Variants in NPM1 observed in about 807,000 individuals in gnomAD.
The protein encoded by NPM1 is nucleophosmin.
Under a neutral mutation model 44.1 loss-of-function variants are expected in NPM1, and 1 was observed. That is an observed-to-expected ratio of 0.02 (90% CI 0.01 to 0.11). The LOEUF (loss-of-function observed/expected upper bound fraction) is 0.11, where lower values mean the gene tolerates loss of function less well. NPM1 is among the 10% of genes least tolerant of loss of function. NPM1 has a pLI of 1.00. For synonymous variants in NPM1, 126 were observed against 111.8 expected, an observed-to-expected ratio of 1.13 and a Z score of -0.80; for missense variants, 197 against 347.8, an observed-to-expected ratio of 0.57 and a Z score of 3.45.
rs539512422 is a variant in NPM1 at position 171,405,422 on chromosome 5, A to T, written c.771+19A>T. On this transcript the variant is annotated intron_variant, in intron 9 of 10. Coordinates refer to ENST00000296930, the MANE Select transcript of NPM1 (RefSeq NM_002520.7). ...AGAAAAAGTGAGTAAAGTTATCTTAAAAAAACTTTGTCTCCCCCCTCAAAT... is the reference window on the plus strand; with the variant it reads ...AGAAAAAGTGAGTAAAGTTATCTTATAAAAACTTTGTCTCCCCCCTCAAAT... The T allele has an allele frequency of 1.6e-4, 191 of 1,210,358 alleles. 3 individuals carry two copies. In the South Asian group the frequency reaches 2.3e-3, roughly 15 times the overall value. 75.0% of individuals were successfully genotyped at this position (1,210,358 alleles called of 1,614,324 possible).
upstream of NPM1, chr5:171,387,808 A>G: frequency 1.3e-6 from 1 of 757,118 alleles, no homozygotes; most frequent in South Asian, 1.7e-5. Context: ...AGCGCTCGCG[A>G]GATCTTCAGG....
At chr5:171,393,560 G>A (rs553661373) in intron 6 of NPM1, among the ~76,000 whole-genome samples, 5 of 152,080 alleles carry the variant, frequency 3.3e-5, no homozygotes, top group East Asian at 1.9e-4. Flanking sequence ...CAGTTAATAC[G>A]CACACTGGTA....
At chr5:171,397,735 A>T (rs1290966133) in intron 6 of NPM1, among the ~76,000 whole-genome samples, 1 of 148,164 alleles carries the variant, frequency 6.7e-6, no homozygotes, top group Non-Finnish European at 1.5e-5. Context: ...GTCTTCAGTG[A>T]TCCACCTCCC....
intron 8 of NPM1, among the ~76,000 whole-genome samples, chr5:171,401,532 G>A (rs1771202909): frequency 6.6e-6 from 1 of 152,082 alleles, no homozygotes; most frequent in African/African-American, 2.4e-5. Flanking sequence ...CACTTCCCGG[G>A]TTCAAGCGAT....
chr5:171,388,690 G>A (rs1268205268), intron 1 of NPM1, among the ~76,000 whole-genome samples: 4 of 152,186 alleles, frequency 2.6e-5, no homozygotes, highest in Non-Finnish European at 5.9e-5. Flanking sequence ...AGTGGGAAAT[G>A]TTAAGAGGCT....
At chr5:171,388,068 T>TGTGGGGGGGGTGGGGGGGGGGGG in intron 1 of NPM1, 62 bp downstream of exon 1, 1 of 719,954 alleles carries the variant, frequency 1.4e-6, no homozygotes, top group East Asian at 3.8e-5. Context: ...AGGGTGGGGG[T>TGTGGGGGGGGTGGGGGGGGGGGG]GAGGGGCGGG....
intron 6 of NPM1, 102 bp from the exon 7 acceptor site, chr5:171,400,051 T>TA (rs1771110680): frequency 1.4e-6 from 1 of 725,646 alleles, no homozygotes; most frequent in African/African-American, 1.8e-5. Context: ...AATGCTTCGA[T>TA]AAACATGGGT....
chr5:171,399,207 C>A (rs1175185979), intron 6 of NPM1, among the ~76,000 whole-genome samples: 9 of 152,162 alleles, frequency 5.9e-5, no homozygotes, highest in South Asian at 2.1e-4. Context: ...TTCTAGCTTT[C>A]TTCCTTTCCA....
At chr5:171,394,998 G>T (rs571678946) in intron 6 of NPM1, among the ~76,000 whole-genome samples, 488 of 152,056 alleles carry the variant, frequency 3.2e-3, no homozygotes, top group Non-Finnish European at 5.6e-3. Context: ...GGCCAACATG[G>T]TGAAACCCGG....
In NPM1 at chr5:171,402,100, A is replaced by C. The variant is rs1771233748; in HGVS notation, c.669+1175A>C. On this transcript the variant is annotated intron_variant, in intron 8 of 10. Coordinates refer to ENST00000296930, the MANE Select transcript of NPM1 (RefSeq NM_002520.7). ...GATGAAATAGTTTATTTACAATTTA[A>C]ACGAATAAATTTCATATTCTACAAC... Among the ~76,000 whole-genome samples, 3 of 149,716 alleles carry C rather than the reference A, an allele frequency of 2.0e-5. 1 individual carries two copies. In the South Asian group the frequency reaches 6.3e-4, roughly 32 times the overall value.
chr5:171,389,031 TAG>T (rs1192939821), intron 1 of NPM1, among the ~76,000 whole-genome samples: 2 of 152,296 alleles, frequency 1.3e-5, no homozygotes, highest in East Asian at 3.9e-4. Context: ...AAGAAACACG[TAG>T]AGTGTTCGGT....
chr5:171,393,064 T>G, intron 6 of NPM1, 86 bp downstream of exon 6: 1 of 1,494,424 alleles, frequency 6.7e-7, no homozygotes, highest in Non-Finnish European at 9.0e-7. Flanking sequence ...GAGGGTTTTA[T>G]AAAAGTCATT....
In NPM1 at chr5:171,393,039, C is replaced by T. The variant is rs977095524; in HGVS notation, c.524+61C>T. The T allele has an allele frequency of 2.6e-6, 4 of 1,556,534 alleles. No homozygotes were observed. In the African/African-American group the frequency reaches 5.5e-5, roughly 21 times the overall value. ...AATCTTGACAAAAAAAGGAATTTGA[C>T]ATAGTTATATGCATGAGGGTTTTAT... On this transcript the variant is annotated intron_variant, in intron 6 of 10. Coordinates refer to ENST00000296930, the MANE Select transcript of NPM1 (RefSeq NM_002520.7).
At chr5:171,405,440 C>T (rs1581257948) in intron 9 of NPM1, 37 bp downstream of exon 9, 1 of 902,676 alleles carries the variant, frequency 1.1e-6, no homozygotes, top group Non-Finnish European at 1.8e-6. Flanking sequence ...TTGTCTCCCC[C>T]CTCAAATTGC....
intron 6 of NPM1, among the ~76,000 whole-genome samples, chr5:171,397,760 T>C (rs1301520434): frequency 6.6e-6 from 1 of 151,648 alleles, no homozygotes; most frequent in Non-Finnish European, 1.5e-5. Context: ...CCTCCCAAAC[T>C]GCTGAGATTA....
chr5:171,388,078 G>GGTGTGGGGGGGGGTGGGGGGGGGT, intron 1 of NPM1, 72 bp downstream of exon 1: 1 of 616,752 alleles, frequency 1.6e-6, no homozygotes, highest in Non-Finnish European at 3.0e-6. Context: ...TGAGGGGCGG[G>GGTGTGGGGGGGGGTGGGGGGGGGT]AATCCGGCTG....
intron 3 of NPM1, 34 bp from the exon 4 acceptor site, chr5:171,391,670 TCA>T: frequency 6.5e-6 from 9 of 1,383,412 alleles, no homozygotes; most frequent in Non-Finnish European, 8.2e-6. Context: ...TTCATTTTCT[TCA>T]CATGTTTAGT....
chr5:171,410,226 G>C (rs1344713646), intron 10 of NPM1, among the ~76,000 whole-genome samples: 1 of 152,104 alleles, frequency 6.6e-6, no homozygotes, highest in East Asian at 1.9e-4. Context: ...CTCGGGAGAT[G>C]AAGTTGGAAG....
intron 6 of NPM1, among the ~76,000 whole-genome samples, chr5:171,394,039 TTC>T (rs1275203107): frequency 3.0e-5 from 3 of 98,986 alleles, no homozygotes; most frequent in Non-Finnish European, 6.6e-5. Context: ...TGTTTTTGTT[TTC>T]TTTTTTTTTT....
Sources: allele counts gnomAD v4.1 joint callset (sites outside exome capture counted in the v4.1 genomes callset), GRCh38; gene constraint gnomAD v4.1.1; transcripts MANE v1.5; gene names NCBI Gene and HGNC (gene_info 2026-07-23, HGNC 2026-07-21).